GNB1: variants seen among roughly 807,000 people sequenced by gnomAD.
GNB1 encodes G protein subunit beta 1.
Under a neutral mutation model 42.9 loss-of-function variants are expected in GNB1, and 2 were observed. The ratio of observed to expected loss-of-function variants is 0.05; its 90% CI spans 0.02 to 0.15. GNB1 has a LOEUF of 0.15. Ranked by LOEUF, GNB1 falls within the 10% of genes least tolerant of loss-of-function variation. The pLI is 1.00. For synonymous variants in GNB1, 183 were observed against 174.7 expected, an observed-to-expected ratio of 1.05 and a Z score of -0.38; for missense variants, 193 against 462.2, an observed-to-expected ratio of 0.42 and a Z score of 5.34.
chr1:1,791,734 C>CAGGG (rs1029542148), intron 8 of GNB1, among the ~76,000 whole-genome samples: 23 of 152,300 alleles, frequency 1.5e-4, no homozygotes, highest in African/African-American at 5.3e-4. Context: ...AGACACTGCA[C>CAGGG]AGGGAGCCTC....
rs143955960 is a variant in GNB1, at chr1:1,790,627, C to G, written c.498-31G>C. ...GCAGGAGCGAATGACAAGGGGACAT[C>G]AGCCTTAACTTCTTGGGTGGCTAGT... On this transcript the variant is annotated intron_variant, in intron 8 of 11. Transcript: ENST00000378609. This position sits in a 1 kb window ranked among gnomAD's most constrained non-coding sequence, Gnocchi z 5.4. 722 of 1,516,544 alleles carry G rather than the reference C, an allele frequency of 4.8e-4. 4 individuals carry two copies. The African/African-American group carries it at 8.1e-3, about 17-fold the overall frequency. 93.9% of individuals were successfully genotyped at this position (1,516,544 alleles called of 1,614,324 possible).
Position 1,878,462 on chromosome 1 carries a change from C to G in GNB1, c.-96+12358G>C, listed in dbSNP as rs79623940. Among the ~76,000 whole-genome samples, 90 of 152,276 alleles carry G rather than the reference C, an allele frequency of 5.9e-4. No homozygotes were observed. In the East Asian group the frequency reaches 0.016, roughly 26 times the overall value. On this transcript the variant is annotated intron_variant, in intron 1 of 11. Transcript: ENST00000378609. Reference sequence around the variant, plus strand: ...GACTTGGGGCTTCTCCTGCCTGGAACCCTCTTTTCCCAGATGTCTGTCTGG... The same window carrying G: ...GACTTGGGGCTTCTCCTGCCTGGAAGCCTCTTTTCCCAGATGTCTGTCTGG...
At chr1:1,882,611 G>A (rs1341657093) in intron 1 of GNB1, among the ~76,000 whole-genome samples, 1 of 151,988 alleles carries the variant, frequency 6.6e-6, no homozygotes, top group Non-Finnish European at 1.5e-5. Flanking sequence ...ATGGGAGGAG[G>A]AGAATTCTCT....
At chr1:1,850,974 A>T (rs1214604670) in intron 1 of GNB1, among the ~76,000 whole-genome samples, 1 of 152,174 alleles carries the variant, frequency 6.6e-6, no homozygotes, top group African/African-American at 2.4e-5. Context: ...ATTTTTCTCA[A>T]AAACATACTG....
chr1:1,869,185 CAAAAAA>C (rs71578347), intron 1 of GNB1, among the ~76,000 whole-genome samples: 37 of 26,746 alleles, frequency 1.4e-3, no homozygotes, highest in African/African-American at 1.7e-3. Context: ...GACACCTTCT[CAAAAAA>C]AAAAAAAAAA....
intron 1 of GNB1, among the ~76,000 whole-genome samples, chr1:1,846,104 C>T (rs1444203286): frequency 6.6e-6 from 1 of 151,954 alleles, no homozygotes; most frequent in African/African-American, 2.4e-5. Context: ...AGGAAGTCTG[C>T]TGGCCAAATT....
chr1:1,848,063 T>A (rs1006982766), intron 1 of GNB1, among the ~76,000 whole-genome samples: 1 of 151,972 alleles, frequency 6.6e-6, no homozygotes, highest in African/African-American at 2.4e-5. Flanking sequence ...AAGGTTGCTA[T>A]CATACAGAAA....
At chr1:1,830,099 A>G (rs752102377) in intron 2 of GNB1, among the ~76,000 whole-genome samples, 11 of 152,052 alleles carry the variant, frequency 7.2e-5, no homozygotes, top group Non-Finnish European at 1.6e-4. Flanking sequence ...AAAGAGAAAC[A>G]GGTTAGCAGC....
At chr1:1,865,268 CA>C (rs1015168717) in intron 1 of GNB1, among the ~76,000 whole-genome samples, 25 of 118,382 alleles carry the variant, frequency 2.1e-4, no homozygotes, top group Non-Finnish European at 3.0e-4. Context: ...TCTCAAAAAA[CA>C]AAAAAAAAAC....
At chr1:1,888,028 CA>C (rs1017120379) in intron 1 of GNB1, among the ~76,000 whole-genome samples, 23 of 151,784 alleles carry the variant, frequency 1.5e-4, no homozygotes, top group African/African-American at 5.3e-4. Context: ...TCCCACCCAC[CA>C]AAAAAACAGA....
chr1:1,847,875 CACCTTG>C (rs1647756210), intron 1 of GNB1, among the ~76,000 whole-genome samples: 1 of 152,162 alleles, frequency 6.6e-6, no homozygotes. Context: ...TAACAGAACA[CACCTTG>C]ACAGATGTCA....
At chr1:1,831,422 A>G (rs1330940091) in intron 2 of GNB1, among the ~76,000 whole-genome samples, 2 of 152,152 alleles carry the variant, frequency 1.3e-5, no homozygotes, top group Non-Finnish European at 2.9e-5. Context: ...ACTATATACT[A>G]AGTCAAAAAT....
chr1:1,830,217 G>T (rs1443430131), intron 2 of GNB1, among the ~76,000 whole-genome samples: 1 of 151,832 alleles, frequency 6.6e-6, no homozygotes, highest in Admixed American at 6.6e-5. Flanking sequence ...CTAGAACAAA[G>T]AAACATTTTT....
chr1:1,865,059 G>C (rs911285994), intron 1 of GNB1, among the ~76,000 whole-genome samples: 3 of 151,420 alleles, frequency 2.0e-5, no homozygotes, highest in African/African-American at 7.3e-5. Flanking sequence ...TCAGGAGATC[G>C]AGACCATCCT....
intron 1 of GNB1, among the ~76,000 whole-genome samples, chr1:1,872,648 T>C (rs1247573558): frequency 6.6e-6 from 1 of 152,110 alleles, no homozygotes; most frequent in Admixed American, 6.6e-5. Context: ...GCTCCTTGCC[T>C]ACCTGGTTCC....
chr1:1,809,676 C>T (rs1429489361), intron 5 of GNB1, among the ~76,000 whole-genome samples: 3 of 152,120 alleles, frequency 2.0e-5, no homozygotes, highest in African/African-American at 7.2e-5. Flanking sequence ...AGCTTAATAA[C>T]TGCTGACTTC....
intron 2 of GNB1, among the ~76,000 whole-genome samples, chr1:1,834,591 C>T (rs1029450203): frequency 2.0e-5 from 3 of 151,272 alleles, no homozygotes; most frequent in African/African-American, 4.9e-5. Context: ...ATCCAGAAGA[C>T]GGGTCTAACA....
At chr1:1,825,693 T>C (rs1646988906) in intron 2 of GNB1, 194 bp from the exon 3 acceptor site, 4 of 353,998 alleles carry the variant, frequency 1.1e-5, no homozygotes, top group Non-Finnish European at 2.1e-5. Context: ...TCAAACCCCT[T>C]CTCTACTAAA....
rs536946505 is a variant in GNB1 at position 1,868,303 on chromosome 1, G to A, written c.-96+22517C>T. Among the ~76,000 whole-genome samples, 7 of 152,152 alleles carry A rather than the reference G, an allele frequency of 4.6e-5. No homozygotes were observed. In the East Asian group the frequency reaches 5.8e-4, roughly 13 times the overall value. The stretch of plus-strand genomic sequence containing the variant: ...CAATTCTCCTGCCTCAGCCTCCCGC[G>A]TAGCTGGGATTACAGGCATGAGCCA... On this transcript the variant is annotated intron_variant, in intron 1 of 11. Transcript: ENST00000378609.
Sources: gnomAD v4.1 joint callset for allele counts (sites outside exome capture counted in the v4.1 genomes callset) on GRCh38, gnomAD v4.1.1 for gene constraint, Gnocchi (gnomAD v3.1) non-coding constraint, MANE v1.5 for transcripts, NCBI Gene and HGNC (gene_info 2026-07-23, HGNC 2026-07-21) for gene names.